TMEM178B: variants seen among roughly 807,000 people sequenced by gnomAD.
TMEM178B encodes the protein transmembrane protein 178B.
A neutral mutation model predicts 31.0 loss-of-function variants in TMEM178B; 5 were observed. The ratio of observed to expected loss-of-function variants is 0.16; its 90% CI spans 0.08 to 0.34. The LOEUF (loss-of-function observed/expected upper bound fraction) is 0.34, where lower values mean the gene tolerates loss of function less well. Among genes scored for constraint, TMEM178B ranks in the 10% least tolerant of loss-of-function variants. TMEM178B has a pLI of 1.00. For synonymous variants in TMEM178B, 164 were observed against 164.0 expected, an observed-to-expected ratio of 1.00 and a Z score of 0.00; for missense variants, 275 against 400.3, an observed-to-expected ratio of 0.69 and a Z score of 2.67.
At chr7:141,374,379 C>T (rs1248660290) in intron 2 of TMEM178B, among the ~76,000 whole-genome samples, 1 of 150,480 alleles carries the variant, frequency 6.6e-6, no homozygotes, top group Non-Finnish European at 1.5e-5. Context: ...CACACACATG[C>T]ACACACACAC....
intron 2 of TMEM178B, among the ~76,000 whole-genome samples, chr7:141,426,891 A>G (rs1238212558): frequency 1.3e-5 from 2 of 152,182 alleles, no homozygotes; most frequent in Non-Finnish European, 2.9e-5. Flanking sequence ...TACAAAATCA[A>G]CATACAAAAA....
At chr7:141,442,448 T>G (rs1208526933) in intron 3 of TMEM178B, among the ~76,000 whole-genome samples, 1 of 152,220 alleles carries the variant, frequency 6.6e-6, no homozygotes, top group East Asian at 1.9e-4. Context: ...GCCCAATAGC[T>G]TCCAGTTGAA....
chr7:141,230,810 T>C lies in TMEM178B; in HGVS notation c.496+18106T>C, dbSNP rs147138363. Among the ~76,000 whole-genome samples, 327 of 152,206 alleles carry C rather than the reference T, an allele frequency of 2.1e-3. 2 individuals carry two copies. Among genetic ancestry groups the C allele is most frequent in the Middle Eastern group, 6.8e-3 (2 of 294 alleles). On this transcript the variant is annotated intron_variant, in intron 2 of 3. Coordinates refer to ENST00000565468, the MANE Select transcript of TMEM178B (RefSeq NM_001195278.2). ...CTCTACTGCACCTGGCTAATTTTTA[T>C]TTTTTATTTTTTGTAGATTACAAGA...
At chr7:141,378,730 C>T (rs1338082972) in intron 2 of TMEM178B, among the ~76,000 whole-genome samples, 1 of 152,316 alleles carries the variant, frequency 6.6e-6, no homozygotes, top group East Asian at 1.9e-4. Context: ...GGTAGTCCTC[C>T]CTTAGAGGGG....
intron 2 of TMEM178B, among the ~76,000 whole-genome samples, chr7:141,240,536 C>T (rs1797600842): frequency 6.6e-6 from 1 of 152,208 alleles, no homozygotes; most frequent in Non-Finnish European, 1.5e-5. Flanking sequence ...TAATGATTTT[C>T]TGTGTTGTAA....
chr7:141,182,826 ATG>A (rs1201244201), intron 1 of TMEM178B, among the ~76,000 whole-genome samples: 1 of 152,148 alleles, frequency 6.6e-6, no homozygotes, highest in Non-Finnish European at 1.5e-5. Context: ...GCCACGTAAG[ATG>A]TGCCTTTGCT....
At chr7:141,089,158 G>T (rs1794836686) in intron 1 of TMEM178B, among the ~76,000 whole-genome samples, 1 of 152,196 alleles carries the variant, frequency 6.6e-6, no homozygotes, top group Non-Finnish European at 1.5e-5. Flanking sequence ...CACTATTGCT[G>T]GAAAGAATGT....
At chr7:141,291,926 ATT>A (rs11306682) in intron 2 of TMEM178B, among the ~76,000 whole-genome samples, 55,591 of 138,218 alleles carry the variant, frequency 0.4, 10,989 homozygotes, top group Admixed American at 0.48. Context: ...CATAGAGATC[ATT>A]TTTTTTTTTT....
intron 2 of TMEM178B, among the ~76,000 whole-genome samples, chr7:141,395,548 G>C (rs1382560671): frequency 1.3e-5 from 2 of 152,172 alleles, no homozygotes; most frequent in African/African-American, 2.4e-5. Context: ...GAGCAGAGCT[G>C]GTTGGTTACT....
At chr7:141,142,009 G>A (rs182838865) in intron 1 of TMEM178B, among the ~76,000 whole-genome samples, 3 of 152,194 alleles carry the variant, frequency 2.0e-5, no homozygotes, top group Admixed American at 2.0e-4. Flanking sequence ...TAAGGTTTGG[G>A]GTATGATTGA....
chr7:141,198,199 G>C (rs994862432), intron 1 of TMEM178B, among the ~76,000 whole-genome samples: 1 of 152,072 alleles, frequency 6.6e-6, no homozygotes, highest in Non-Finnish European at 1.5e-5. Flanking sequence ...GGAAGCATCT[G>C]TGTGGCTGTT....
At chr7:141,424,203 C>T (rs1202077389) in intron 2 of TMEM178B, among the ~76,000 whole-genome samples, 2 of 152,096 alleles carry the variant, frequency 1.3e-5, no homozygotes, top group Non-Finnish European at 2.9e-5. Context: ...AGTCAGACAA[C>T]AGGTACTCAG....
At chr7:141,389,157 C>T (rs1800487902) in intron 2 of TMEM178B, among the ~76,000 whole-genome samples, 1 of 152,198 alleles carries the variant, frequency 6.6e-6, no homozygotes, top group African/African-American at 2.4e-5. Flanking sequence ...CCAGCAAATT[C>T]ATCACTTCTT....
intron 1 of TMEM178B, among the ~76,000 whole-genome samples, chr7:141,204,300 C>T (rs913870744): frequency 6.6e-6 from 1 of 152,184 alleles, no homozygotes; most frequent in Admixed American, 6.5e-5. Context: ...GAAAGCATCT[C>T]ATAATTACTC....
chr7:141,396,862 G>C (rs1194230621), intron 2 of TMEM178B, among the ~76,000 whole-genome samples: 1 of 152,198 alleles, frequency 6.6e-6, no homozygotes, highest in Non-Finnish European at 1.5e-5. Context: ...GCTGAGGGTT[G>C]GGGGTTGTTG....
chr7:141,196,944 C>T (rs1796792297), intron 1 of TMEM178B, among the ~76,000 whole-genome samples: 1 of 152,106 alleles, frequency 6.6e-6, no homozygotes, highest in Non-Finnish European at 1.5e-5. Flanking sequence ...ATGCCAGCAA[C>T]ATGGCTGAGA....
At chr7:141,366,765 C>T (rs1204014295) in intron 2 of TMEM178B, among the ~76,000 whole-genome samples, 3 of 152,118 alleles carry the variant, frequency 2.0e-5, no homozygotes, top group Non-Finnish European at 2.9e-5. Flanking sequence ...TGTCCCTCCC[C>T]TCTCCCACTC....
At chr7:141,232,722 TCTC>T (rs1163377315) in intron 2 of TMEM178B, among the ~76,000 whole-genome samples, 1 of 152,190 alleles carries the variant, frequency 6.6e-6, no homozygotes, top group Non-Finnish European at 1.5e-5. Context: ...GTAGCTTTCT[TCTC>T]CTGCCAGAAA....
intron 2 of TMEM178B, among the ~76,000 whole-genome samples, chr7:141,436,700 G>C (rs550845033): frequency 1.3e-5 from 2 of 152,048 alleles, no homozygotes; most frequent in South Asian, 4.1e-4. Flanking sequence ...CTGCCTCTGC[G>C]TGCAGGAGGG....
Sources: allele counts gnomAD v4.1 joint callset (sites outside exome capture counted in the v4.1 genomes callset), GRCh38; gene constraint gnomAD v4.1.1; transcripts MANE v1.5; gene names NCBI Gene and HGNC (gene_info 2026-07-23, HGNC 2026-07-21).